PRKCA: variants seen among roughly 807,000 people sequenced by gnomAD.
PRKCA encodes the protein protein kinase C alpha.
In PRKCA, 27 loss-of-function variants were observed where a neutral mutation model predicts 87.0. The observed-to-expected ratio is 0.31, with a 90% CI of 0.23 to 0.43. The LOEUF (loss-of-function observed/expected upper bound fraction) is 0.43. Among genes scored for constraint, PRKCA ranks in the 20% least tolerant of loss-of-function variants. The pLI, the probability that PRKCA is intolerant of heterozygous loss-of-function variation, is 1.00. For missense variants in PRKCA, 518 were observed against 852.3 expected, an observed-to-expected ratio of 0.61 and a Z score of 4.88; for synonymous variants, 329 against 311.1, an observed-to-expected ratio of 1.06 and a Z score of -0.61.
chr17:66,307,180 T>G (rs1051197436), intron 2 of PRKCA, among the ~76,000 whole-genome samples: 15 of 152,310 alleles, frequency 9.8e-5, no homozygotes, highest in African/African-American at 3.4e-4. Context: ...TCATTTAATA[T>G]TCTACCTTCC....
intron 11 of PRKCA, among the ~76,000 whole-genome samples, chr17:66,740,242 C>T (rs1051891772): frequency 6.6e-6 from 1 of 151,916 alleles, no homozygotes; most frequent in African/African-American, 2.4e-5. Flanking sequence ...AGGAGGAAGA[C>T]GTGGGCTCCA....
chr17:66,773,865 C>T, intron 13 of PRKCA, 122 bp from the exon 14 acceptor site: 1 of 1,483,516 alleles, frequency 6.7e-7, no homozygotes, highest in Non-Finnish European at 9.2e-7. Context: ...ACATCAAAGA[C>T]AGATCTTAGC....
intron 2 of PRKCA, among the ~76,000 whole-genome samples, chr17:66,360,300 G>A (rs58539701): frequency 0.013 from 1,921 of 152,178 alleles, 36 homozygotes; most frequent in African/African-American, 0.043. Flanking sequence ...AAGCCAGCCC[G>A]CCCTTACTTG....
intron 2 of PRKCA, among the ~76,000 whole-genome samples, chr17:66,465,130 G>C (rs1359242593): frequency 6.6e-6 from 1 of 152,118 alleles, no homozygotes; most frequent in Non-Finnish European, 1.5e-5. Flanking sequence ...GAAACTCTTT[G>C]ACTAGGCCAA....
intron 2 of PRKCA, among the ~76,000 whole-genome samples, chr17:66,456,447 C>T (rs73332614): frequency 0.015 from 2,219 of 152,280 alleles, 49 homozygotes; most frequent in African/African-American, 0.05. Flanking sequence ...ATCCAAGGCT[C>T]TATAAGAGGC....
intron 5 of PRKCA, among the ~76,000 whole-genome samples, chr17:66,681,462 G>A (rs1477872985): frequency 1.3e-5 from 2 of 152,128 alleles, no homozygotes; most frequent in Non-Finnish European, 2.9e-5. Context: ...AGTAGTGGTG[G>A]TGACGGCGAA....
intron 2 of PRKCA, among the ~76,000 whole-genome samples, chr17:66,330,934 T>A (rs1906287025): frequency 1.3e-5 from 2 of 152,218 alleles, no homozygotes; most frequent in African/African-American, 4.8e-5. Flanking sequence ...ATTATTTACT[T>A]CTTTCCTCTT....
rs577938245 is a variant in PRKCA at position 66,618,062 on chromosome 17, A to G, written c.289-23293A>G. 3.3e-5 allele frequency among the ~76,000 whole-genome samples: 5 copies of G among 152,310 alleles called. No homozygotes were observed. The East Asian group carries it at 9.7e-4, about 29-fold the overall frequency. ...GGTGTTAAGATTGCCTTCATTAAAC[A>G]TAGTCATTCAGGCCGAATGCAGTGG... On this transcript the variant is annotated intron_variant, in intron 3 of 16. Transcript: ENST00000413366.
chr17:66,649,945 A>C (rs1434166801), intron 5 of PRKCA, among the ~76,000 whole-genome samples: 1 of 152,184 alleles, frequency 6.6e-6, no homozygotes, highest in Non-Finnish European at 1.5e-5. Context: ...CAGAGAGGGA[A>C]GAGAGCTCCG....
At chr17:66,611,504 C>T (rs967293004) in intron 3 of PRKCA, among the ~76,000 whole-genome samples, 9 of 152,192 alleles carry the variant, frequency 5.9e-5, no homozygotes, top group Non-Finnish European at 1.3e-4. Context: ...CATGTTGTAG[C>T]ATGTCATAGT....
chr17:66,412,683 A>G (rs1201443932), intron 2 of PRKCA: 1 of 152,264 alleles, frequency 6.6e-6, no homozygotes, highest in Non-Finnish European at 1.5e-5. Context: ...CTTTTGACTT[A>G]CTTTAGTAGC....
intron 2 of PRKCA, among the ~76,000 whole-genome samples, chr17:66,336,307 A>G (rs1906657913): frequency 6.6e-6 from 1 of 152,222 alleles, no homozygotes; most frequent in Non-Finnish European, 1.5e-5. Flanking sequence ...GATAGGTGCT[A>G]TCAGTTGAAG....
At chr17:66,453,610 G>A (rs114090953) in intron 2 of PRKCA, among the ~76,000 whole-genome samples, 3,105 of 152,110 alleles carry the variant, frequency 0.02, 98 homozygotes, top group African/African-American at 0.071. Context: ...GAGCCACTGC[G>A]CCCAGCCCCC....
At chr17:66,543,636 G>A (rs1170788563) in intron 3 of PRKCA, among the ~76,000 whole-genome samples, 4 of 152,136 alleles carry the variant, frequency 2.6e-5, no homozygotes, top group Admixed American at 6.5e-5. Context: ...AGGAACAAGC[G>A]GATTATTTAT....
chr17:66,406,585 G>GTTTTTTTTT (rs71160568), intron 2 of PRKCA, among the ~76,000 whole-genome samples: 1,483 of 70,086 alleles, frequency 0.021, 186 homozygotes, highest in Middle Eastern at 0.087. Context: ...GCTTTTCCAG[G>GTTTTTTTTT]TTTTTTTTTT....
intron 2 of PRKCA, among the ~76,000 whole-genome samples, chr17:66,409,887 C>T (rs1256974618): frequency 6.6e-6 from 1 of 152,226 alleles, no homozygotes; most frequent in African/African-American, 2.4e-5. Flanking sequence ...CACTGCACTC[C>T]AGCCTGGGCG....
intron 1 of PRKCA, among the ~76,000 whole-genome samples, chr17:66,304,926 A>T (rs1303835186): frequency 1.3e-5 from 2 of 152,194 alleles, no homozygotes; most frequent in Non-Finnish European, 2.9e-5. Context: ...ACTGCTGGTG[A>T]CTTTTGCAGG....
At chr17:66,483,616 C>A (rs1480401589) in intron 2 of PRKCA, among the ~76,000 whole-genome samples, 1 of 152,006 alleles carries the variant, frequency 6.6e-6, no homozygotes, top group Non-Finnish European at 1.5e-5. Context: ...GTGCTCACCA[C>A]CTCTCCCAGC....
At chr17:66,793,333 T>C (rs1049356449) in intron 16 of PRKCA, among the ~76,000 whole-genome samples, 1 of 152,136 alleles carries the variant, frequency 6.6e-6, no homozygotes, top group Non-Finnish European at 1.5e-5. Flanking sequence ...CTCACGCCTG[T>C]AATCCCAGCA....
Sources: gnomAD v4.1 joint callset for allele counts (sites outside exome capture counted in the v4.1 genomes callset) on GRCh38, gnomAD v4.1.1 for gene constraint, MANE v1.5 for transcripts, NCBI Gene and HGNC (gene_info 2026-07-23, HGNC 2026-07-21) for gene names.